Variants in HSF4 observed in about 807,000 individuals in gnomAD.
HSF4 encodes the protein heat shock factor protein 4.
A neutral mutation model predicts 52.0 loss-of-function variants in HSF4; 41 were observed. That is an observed-to-expected ratio of 0.79 (90% CI 0.61 to 1.02). The LOEUF is 1.02. HSF4 is among the 50% of genes least tolerant of loss of function. The probability of loss-of-function intolerance (pLI) is 0.00; values close to 1 mark genes in which losing one functional copy is unlikely to be tolerated. For missense variants in HSF4, 610 were observed against 651.1 expected (o/e 0.94, Z 0.69); for synonymous variants, 285 against 273.0 (o/e 1.04, Z -0.43).
chr16:67,165,847 G>C lies in HSF4; in HGVS notation c.360+1G>C. ...GCTACTGGAGCGCGTGCGGCGCAAGGTGGGGGCGGCCTGCGGGAATGAGCA... is the reference window on the plus strand; with the variant it reads ...GCTACTGGAGCGCGTGCGGCGCAAGCTGGGGGCGGCCTGCGGGAATGAGCA... On this transcript the variant is annotated splice_donor_variant, in intron 3 of 12. Transcript: ENST00000521374. LOFTEE classifies it high-confidence loss of function. This position sits in a 1 kb window ranked among gnomAD's most constrained non-coding sequence, Gnocchi z 6.9. 6.2e-7 allele frequency: 1 copy of C among 1,602,650 alleles called. No homozygotes were observed. The highest frequency in any genetic ancestry group is 8.5e-7 in the Non-Finnish European group (1 of 1,178,878).
chr16:67,164,795 C>A lies in HSF4; in HGVS notation c.-17C>A. On this transcript the variant is annotated 5_prime_UTR_variant, in exon 1 of 13. Coordinates refer to ENST00000521374, the MANE Select transcript of HSF4 (RefSeq NM_001374675.1). Reference sequence around the variant, plus strand: ...CAGCGGCCGGGCCCGAGCGCAGAGCCGGGCCGAGACTGCACCATGCAGGAA... The same window carrying A: ...CAGCGGCCGGGCCCGAGCGCAGAGCAGGGCCGAGACTGCACCATGCAGGAA... 1 of 1,585,982 alleles carries A rather than the reference C, an allele frequency of 6.3e-7. No individual in the cohort carries two copies. The highest frequency in any genetic ancestry group is 1.1e-5 in the South Asian group (1 of 89,386).
intron 8 of HSF4, 58 bp downstream of exon 8, chr16:67,167,657 T>C (rs1597242247): frequency 6.2e-7 from 1 of 1,612,188 alleles, no homozygotes; most frequent in Admixed American, 1.7e-5. Flanking sequence ...GCAGCCCAGA[T>C]GGCTGTAGGG....
chr16:67,169,384 C>G lies in HSF4; in HGVS notation c.1324+36C>G. The G allele has an allele frequency of 6.2e-7, 1 of 1,601,694 alleles. No homozygotes were observed. The highest frequency in any genetic ancestry group is 8.5e-7 in the Non-Finnish European group (1 of 1,173,920). Reference sequence around the variant, plus strand: ...TGATGACTCCTACCTGGGAGGACGCCGTGATTGGGCTGAGCTACCTTGATT... The same window carrying G: ...TGATGACTCCTACCTGGGAGGACGCGGTGATTGGGCTGAGCTACCTTGATT... On this transcript the variant is annotated intron_variant, in intron 12 of 12. Coordinates refer to ENST00000521374, the MANE Select transcript of HSF4 (RefSeq NM_001374675.1). This position sits in a 1 kb window ranked among gnomAD's most constrained non-coding sequence, Gnocchi z 4.3.
chr16:67,168,498 AAG>A (rs370083477), intron 9 of HSF4, among the ~76,000 whole-genome samples: 13 of 150,906 alleles, frequency 8.6e-5, no homozygotes, highest in South Asian at 2.1e-4. Flanking sequence ...GAAAGAAGGA[AAG>A]AGAGAGAGAG....
At chr16:67,167,396 G>C (rs1283373252) in intron 7 of HSF4, 79 bp from the exon 8 acceptor site, 1 of 1,612,650 alleles carries the variant, frequency 6.2e-7, no homozygotes, top group Admixed American at 1.7e-5. Context: ...CCTTAGACCT[G>C]GCCCAGGTGG....
upstream of HSF4, chr16:67,164,661 GC>G: frequency 1.2e-6 from 1 of 828,600 alleles, no homozygotes; most frequent in East Asian, 3.8e-5. Flanking sequence ...CGCTGTCCGA[GC>G]CCCGCCCCGC....
At chr16:67,167,072 G>A (rs2031359143) in intron 6 of HSF4, 48 bp from the exon 7 acceptor site, 1 of 1,613,416 alleles carries the variant, frequency 6.2e-7, no homozygotes, top group African/African-American at 1.3e-5. Flanking sequence ...GAGGTGCATG[G>A]GGGCTGACCC....
In HSF4 at chr16:67,169,609, A is replaced by AGC. The variant is rs1333874475; in HGVS notation, c.1325-19_1325-18dup. 1 of 1,603,504 alleles carries AGC rather than the reference A, an allele frequency of 6.2e-7. No homozygotes were observed. Among genetic ancestry groups the AGC allele is most frequent in the South Asian group, 1.1e-5 (1 of 91,076 alleles). Reference sequence around the variant, plus strand: ...AGGAGGGGGAACATTTCCCCTGGTGAGCGCAGTCCCACTTCTCCTAGGGAA... The same window carrying AGC: ...AGGAGGGGGAACATTTCCCCTGGTGAGCGCGCAGTCCCACTTCTCCTAGGGAA... On this transcript the variant is annotated intron_variant, in intron 12 of 12. Transcript: ENST00000521374. This position sits in a 1 kb window ranked among gnomAD's most constrained non-coding sequence, Gnocchi z 4.3.
chr16:67,167,626 G>T (rs1267964606), intron 8 of HSF4, 27 bp downstream of exon 8: 1 of 1,612,574 alleles, frequency 6.2e-7, no homozygotes, highest in Non-Finnish European at 8.5e-7. Flanking sequence ...TGCCCCTGAG[G>T]GGCCTGTGGG....
At position 67,169,176 on chromosome 16, in the gene HSF4, G is replaced by A. The variant is rs2031550378; in HGVS notation, c.1254+75G>A. 1 of 1,606,458 alleles carries A rather than the reference G, an allele frequency of 6.2e-7. No individual in the cohort carries two copies. Among genetic ancestry groups the A allele is most frequent in the East Asian group, 2.2e-5 (1 of 44,822 alleles). On this transcript the variant is annotated intron_variant, in intron 11 of 12. Coordinates refer to ENST00000521374, the MANE Select transcript of HSF4 (RefSeq NM_001374675.1). The surrounding 1 kb of genome is among the most constrained non-coding windows in gnomAD (Gnocchi z 4.3). ...CCTCTGGTCCATAGCTGTTCTCTGTGAGCCAAAGCCGTGTCTCTAGAAGAA... is the reference window on the plus strand; with the variant it reads ...CCTCTGGTCCATAGCTGTTCTCTGTAAGCCAAAGCCGTGTCTCTAGAAGAA...
Position 67,165,652 on chromosome 16 carries a change from G to A in HSF4, c.232+22G>A, listed in dbSNP as rs1457324811. 1 of 1,612,592 alleles carries A rather than the reference G, an allele frequency of 6.2e-7. No individual in the cohort carries two copies. The highest frequency in any genetic ancestry group is 8.5e-7 in the Non-Finnish European group (1 of 1,179,888). On this transcript the variant is annotated intron_variant, in intron 2 of 12. Coordinates refer to ENST00000521374, the MANE Select transcript of HSF4 (RefSeq NM_001374675.1). This position sits in a 1 kb window ranked among gnomAD's most constrained non-coding sequence, Gnocchi z 6.9. The stretch of plus-strand genomic sequence containing the variant: ...ATGTGTGAGTCCCTACGGCCGGGCG[G>A]GGAGCGGGGATGGGGGACTCGGTGC...
chr16:67,164,215 A>G (rs1334614426), upstream of HSF4: 1 of 465,456 alleles, frequency 2.1e-6, no homozygotes, highest in South Asian at 1.7e-5. Context: ...TCTGAAAGGG[A>G]AGGACAGGGA....
intron 9 of HSF4, 135 bp downstream of exon 9, chr16:67,168,082 G>C (rs1420593851): frequency 2.6e-6 from 2 of 781,656 alleles, no homozygotes; most frequent in African/African-American, 3.4e-5. Context: ...GTGGAAAGCA[G>C]AGCCTCCCAG....
chr16:67,169,114 T>A lies in HSF4; in HGVS notation c.1254+13T>A. The A allele has an allele frequency of 6.2e-7, 1 of 1,611,670 alleles. No individual in the cohort carries two copies. Among genetic ancestry groups the A allele is most frequent in the Non-Finnish European group, 8.5e-7 (1 of 1,179,852 alleles). On this transcript the variant is annotated intron_variant, in intron 11 of 12. Transcript: ENST00000521374. This position sits in a 1 kb window ranked among gnomAD's most constrained non-coding sequence, Gnocchi z 4.3. Reference sequence around the variant, plus strand: ...GGAGCTGTCCTTGGTAAGAAGTGGGTCGGGGAGGGCAGAGGCCAGGGGTGG... The same window carrying A: ...GGAGCTGTCCTTGGTAAGAAGTGGGACGGGGAGGGCAGAGGCCAGGGGTGG...
At chr16:67,168,037 C>G in intron 9 of HSF4, 90 bp downstream of exon 9, 1 of 1,059,804 alleles carries the variant, frequency 9.4e-7, no homozygotes, top group South Asian at 1.4e-5. Flanking sequence ...CTCCATGATA[C>G]TCACCTGATT....
rs2031165431 is a variant in HSF4 at position 67,165,260 on chromosome 16, G to A, written c.124-262G>A. Reference sequence around the variant, plus strand: ...GCTCAGGGTCACATTGCGGGGCTGGGAACCCCGTCAGCCTCTCCTTTCTGA... The same window carrying A: ...GCTCAGGGTCACATTGCGGGGCTGGAAACCCCGTCAGCCTCTCCTTTCTGA... On this transcript the variant is annotated intron_variant, in intron 1 of 12. Transcript: ENST00000521374. This position sits in a 1 kb window ranked among gnomAD's most constrained non-coding sequence, Gnocchi z 6.9. 1 of 596,484 alleles carries A rather than the reference G, an allele frequency of 1.7e-6. No individual in the cohort carries two copies. The highest frequency in any genetic ancestry group is 1.9e-5 in the African/African-American group (1 of 53,742). The allele number at this position is 596,484 out of a possible 1,614,324, so 36.9% of individuals were successfully genotyped here. A position where few individuals can be genotyped will look rare whatever the true frequency, so the allele number is the denominator to read the frequency against.
chr16:67,166,314 C>T lies in HSF4; in HGVS notation c.486-6C>T. 1 of 1,611,646 alleles carries T rather than the reference C, an allele frequency of 6.2e-7. No individual in the cohort carries two copies. Among genetic ancestry groups the T allele is most frequent in the Admixed American group, 1.7e-5 (1 of 59,842 alleles). ...ATGCCTCAGCACCCTCCCACCCCTT[C>T]CTCAGGCAGAACGAGATCTTGTGGC... On this transcript the variant is annotated splice_region_variant and splice_polypyrimidine_tract_variant and intron_variant, in intron 4 of 12. Coordinates refer to ENST00000521374, the MANE Select transcript of HSF4 (RefSeq NM_001374675.1).
In HSF4 at chr16:67,169,760, G is replaced by T. The variant is rs778731292; in HGVS notation, c.1454G>T (p.Gly485Val). 1.9e-6 allele frequency: 3 copies of T among 1,613,002 alleles called. No homozygotes were observed. The highest frequency in any genetic ancestry group is 2.5e-6 in the Non-Finnish European group (3 of 1,179,990). ...TPESRTASYLGPEASPSP is the reference protein window; with the variant it reads ...TPESRTASYLVPEASPSP Reference sequence around the variant, plus strand: ...GAGAGCCGGACTGCCTCCTACTTGGGCCCGGAAGCCAGTCCCTCCCCCTAA... The same window carrying T: ...GAGAGCCGGACTGCCTCCTACTTGGTCCCGGAAGCCAGTCCCTCCCCCTAA... Residue 485 changes from glycine (G) to valine (V), a missense_variant, in exon 13 of 13, where the codon GGC becomes GTC. Coordinates refer to ENST00000521374, the MANE Select transcript of HSF4 (RefSeq NM_001374675.1). The surrounding 1 kb of genome is among the most constrained non-coding windows in gnomAD (Gnocchi z 4.3).
chr16:67,165,962 G>GCGA lies in HSF4; in HGVS notation c.383_385dup (p.Asp128dup), dbSNP rs2031250416. ...CGCCTGCAGGTGCCCGCGCTGCGCGGCGACGACGGCCGCTGGCGCCCGGAG... is the reference window on the plus strand; with the variant it reads ...CGCCTGCAGGTGCCCGCGCTGCGCGGCGACGACGACGGCCGCTGGCGCCCGGAG... On this transcript the variant is annotated inframe_insertion, in exon 4 of 13. Coordinates refer to ENST00000521374, the MANE Select transcript of HSF4 (RefSeq NM_001374675.1). The surrounding 1 kb of genome is among the most constrained non-coding windows in gnomAD (Gnocchi z 6.9). 6.4e-7 allele frequency: 1 copy of GCGA among 1,565,604 alleles called. No homozygotes were observed. The highest frequency in any genetic ancestry group is 8.6e-7 in the Non-Finnish European group (1 of 1,164,632).
Sources: gnomAD v4.1 joint callset for allele counts (sites outside exome capture counted in the v4.1 genomes callset) on GRCh38, gnomAD v4.1.1 for gene constraint, Gnocchi (gnomAD v3.1) non-coding constraint, MANE v1.5 for transcripts, NCBI Gene and HGNC (gene_info 2026-07-23, HGNC 2026-07-21) for gene names.